The following SYNPR variants were observed in gnomAD, a reference collection of about 807,000 sequenced individuals.
SYNPR encodes the protein synaptoporin.
SYNPR carries 23 observed loss-of-function variants against 32.9 expected under a neutral mutation model. That is an observed-to-expected ratio of 0.70 (90% CI 0.50 to 0.99). The LOEUF (loss-of-function observed/expected upper bound fraction) is 0.99, where lower values mean the gene tolerates loss of function less well. Ranked by LOEUF, SYNPR falls within the 50% of genes least tolerant of loss-of-function variation. SYNPR has a pLI of 0.00. For missense variants in SYNPR, 318 were observed against 349.3 expected (o/e 0.91, Z 0.71); for synonymous variants, 146 against 135.9 (o/e 1.07, Z -0.52).
At chr3:63,517,624 A>G (rs1575687589) in intron 3 of SYNPR, among the ~76,000 whole-genome samples, 1 of 152,280 alleles carries the variant, frequency 6.6e-6, no homozygotes, top group African/African-American at 2.4e-5. Flanking sequence ...CGCTCATTTA[A>G]GAATCTGAGA....
At chr3:63,314,425 G>A (rs1431246872) in intron 2 of SYNPR, among the ~76,000 whole-genome samples, 1 of 151,668 alleles carries the variant, frequency 6.6e-6, no homozygotes, top group East Asian at 2.0e-4. Context: ...CATGAGTAAG[G>A]TGGTATTACA....
At position 63,403,158 on chromosome 3, in the gene SYNPR, G is replaced by A. The variant is rs1575626532; in HGVS notation, c.85-77674G>A. Among the ~76,000 whole-genome samples, 6 of 152,158 alleles carry A rather than the reference G, an allele frequency of 3.9e-5. 1 individual carries two copies. The highest frequency in any genetic ancestry group is 1.9e-4 in the East Asian group (1 of 5,176). ...TCCTCCCACTAAAGCGTATTTTCTTGCATCTTGTCTTTGTATTCAACCATA... is the reference window on the plus strand; with the variant it reads ...TCCTCCCACTAAAGCGTATTTTCTTACATCTTGTCTTTGTATTCAACCATA... On this transcript the variant is annotated intron_variant, in intron 2 of 5. Transcript: ENST00000478300.
rs150255098 is a variant in SYNPR at position 63,292,768 on chromosome 3, A to C, written c.84+14026A>C. On this transcript the variant is annotated intron_variant, in intron 2 of 5. Transcript: ENST00000478300. ...ACGAGAGTCTTCTGCTTCTCCAGTTATCTCTTAAATGTGCGCATGCACACA... is the reference window on the plus strand; with the variant it reads ...ACGAGAGTCTTCTGCTTCTCCAGTTCTCTCTTAAATGTGCGCATGCACACA... Among the ~76,000 whole-genome samples, 480 of 152,326 alleles carry C rather than the reference A, an allele frequency of 3.2e-3. 1 individual carries two copies. Among genetic ancestry groups the C allele is most frequent in the African/African-American group, 0.011 (463 of 41,584 alleles).
chr3:63,353,487 T>A (rs1463755411), intron 2 of SYNPR, among the ~76,000 whole-genome samples: 1 of 152,188 alleles, frequency 6.6e-6, no homozygotes, highest in African/African-American at 2.4e-5. Flanking sequence ...TTTTGGGGCA[T>A]TCATGATGAA....
intron 2 of SYNPR, chr3:63,426,770 T>C (rs1207486432): frequency 6.6e-6 from 1 of 152,070 alleles, no homozygotes; most frequent in Non-Finnish European, 1.5e-5. Context: ...CCAGTCCATT[T>C]GGTTTCTTCA....
At chr3:63,571,535 C>A (rs1011059220) in intron 4 of SYNPR, among the ~76,000 whole-genome samples, 5 of 151,918 alleles carry the variant, frequency 3.3e-5, no homozygotes, top group African/African-American at 9.7e-5. Flanking sequence ...TAACAGCCAA[C>A]CTTTTAAAGA....
chr3:63,261,425 A>G (rs1575579237), intron 2 of SYNPR, among the ~76,000 whole-genome samples: 1 of 151,658 alleles, frequency 6.6e-6, no homozygotes, highest in Admixed American at 6.6e-5. Context: ...AGGGACATGG[A>G]TGAAATTGGA....
intron 2 of SYNPR, among the ~76,000 whole-genome samples, chr3:63,458,123 A>G (rs1383207594): frequency 6.6e-6 from 1 of 152,164 alleles, no homozygotes; most frequent in Non-Finnish European, 1.5e-5. Flanking sequence ...AAATTGTTGC[A>G]TTTAATAAAG....
At chr3:63,230,768 C>T (rs1232512967) in intron 1 of SYNPR, among the ~76,000 whole-genome samples, 2 of 152,170 alleles carry the variant, frequency 1.3e-5, no homozygotes, top group Non-Finnish European at 2.9e-5. Flanking sequence ...CATAGGGTTG[C>T]TGTGAAGGAT....
intron 4 of SYNPR, among the ~76,000 whole-genome samples, chr3:63,588,888 TG>T (rs1703251842): frequency 6.6e-6 from 1 of 152,012 alleles, no homozygotes; most frequent in Non-Finnish European, 1.5e-5. Flanking sequence ...GGGTTGCAGG[TG>T]GGGAAGTATA....
intron 2 of SYNPR, among the ~76,000 whole-genome samples, chr3:63,394,401 A>G (rs1443114713): frequency 2.6e-5 from 4 of 152,330 alleles, no homozygotes; most frequent in Middle Eastern, 3.4e-3. Flanking sequence ...AGGGATTATT[A>G]CTAGAAAAAT....
At chr3:63,239,323 T>C (rs34913476) in intron 1 of SYNPR, among the ~76,000 whole-genome samples, 35,079 of 150,778 alleles carry the variant, frequency 0.23, 4,389 homozygotes, top group South Asian at 0.39. Flanking sequence ...CATCCTACCA[T>C]TGTCAGGTGT....
At chr3:63,360,722 G>C (rs1352278410) in intron 2 of SYNPR, among the ~76,000 whole-genome samples, 2 of 152,164 alleles carry the variant, frequency 1.3e-5, no homozygotes, top group East Asian at 3.9e-4. Flanking sequence ...TCTGGCCACT[G>C]ATATTCACAT....
intron 4 of SYNPR, among the ~76,000 whole-genome samples, chr3:63,595,730 T>C (rs1439415519): frequency 4.0e-5 from 1 of 24,790 alleles, no homozygotes; most frequent in Non-Finnish European, 5.8e-5. Flanking sequence ...TATATATATA[T>C]ATATATATAT....
At chr3:63,603,520 C>T (rs1456483173) in intron 4 of SYNPR, among the ~76,000 whole-genome samples, 3 of 152,122 alleles carry the variant, frequency 2.0e-5, no homozygotes, top group Admixed American at 6.6e-5. Flanking sequence ...TATGTTTCTT[C>T]AATGCCTAGT....
intron 2 of SYNPR, among the ~76,000 whole-genome samples, chr3:63,258,077 C>G (rs1428079428): frequency 6.6e-6 from 1 of 152,134 alleles, no homozygotes; most frequent in Non-Finnish European, 1.5e-5. Context: ...AAAGCAAGTC[C>G]TTAGAGACCT....
intron 4 of SYNPR, among the ~76,000 whole-genome samples, chr3:63,599,891 G>T (rs1227363120): frequency 6.6e-6 from 1 of 152,164 alleles, no homozygotes; most frequent in Non-Finnish European, 1.5e-5. Flanking sequence ...TATGTAAAAA[G>T]CATAATTTGC....
chr3:63,497,308 T>C (rs541587423), intron 3 of SYNPR, among the ~76,000 whole-genome samples: 1 of 152,210 alleles, frequency 6.6e-6, no homozygotes, highest in Non-Finnish European at 1.5e-5. Context: ...GTTTGTTTCA[T>C]AGTACTTACA....
chr3:63,335,222 G>T (rs560331161), intron 2 of SYNPR, among the ~76,000 whole-genome samples: 1 of 151,896 alleles, frequency 6.6e-6, no homozygotes, highest in Admixed American at 6.6e-5. Flanking sequence ...GCGTGGTGGC[G>T]GGTGCCTGTA....
Sources: allele counts gnomAD v4.1 joint callset (sites outside exome capture counted in the v4.1 genomes callset), GRCh38; gene constraint gnomAD v4.1.1; transcripts MANE v1.5; gene names NCBI Gene and HGNC (gene_info 2026-07-23, HGNC 2026-07-21).